The following PIH1D1 variants were observed in gnomAD, a reference collection of about 807,000 sequenced individuals.
The protein encoded by PIH1D1 is PIH1 domain-containing protein 1.
Under a neutral mutation model 38.5 loss-of-function variants are expected in PIH1D1, and 28 were observed. The ratio of observed to expected loss-of-function variants is 0.73; its 90% CI spans 0.54 to 1.00. The LOEUF (loss-of-function observed/expected upper bound fraction) is 1.00, where lower values mean the gene tolerates loss of function less well. Ranked by LOEUF, PIH1D1 falls within the 50% of genes least tolerant of loss-of-function variation. PIH1D1 has a pLI of 0.00. For synonymous variants in PIH1D1, 155 were observed against 153.5 expected (o/e 1.01, Z -0.07); for missense variants, 343 against 369.9 (o/e 0.93, Z 0.60).
In PIH1D1 at chr19:49,449,663, A is replaced by G. The variant is rs1327322172; in HGVS notation, c.158-9T>C. The G allele has an allele frequency of 5.0e-6, 8 of 1,611,368 alleles. No homozygotes were observed. The Middle Eastern group carries it at 4.9e-4, about 100-fold the overall frequency. On this transcript the variant is annotated splice_polypyrimidine_tract_variant and intron_variant, in intron 2 of 8. Coordinates refer to ENST00000262265, the MANE Select transcript of PIH1D1 (RefSeq NM_017916.3). ...GGTCTTTATGCAGAAACCTGGTGGGAGTGGGTTAGTCATGACAATCCTTTT... is the reference window on the plus strand; with the variant it reads ...GGTCTTTATGCAGAAACCTGGTGGGGGTGGGTTAGTCATGACAATCCTTTT...
At chr19:49,449,700 C>T (rs1719663131) in intron 2 of PIH1D1, 46 bp from the exon 3 acceptor site, 2 of 1,515,244 alleles carry the variant, frequency 1.3e-6, no homozygotes, top group African/African-American at 2.7e-5. Flanking sequence ...TGCACAAGTC[C>T]CAGTCCCCAT....
chr19:49,451,025 C>CTTTT (rs10616213), intron 1 of PIH1D1, 177 bp from the exon 2 acceptor site: 57 of 550,612 alleles, frequency 1.0e-4, no homozygotes, highest in East Asian at 3.5e-4. Context: ...ATTCCCATTT[C>CTTTT]TTTTTTTTTT....
chr19:49,450,840 C>T lies in PIH1D1; in HGVS notation c.99G>A (p.Lys33=). The T allele has an allele frequency of 6.2e-7, 1 of 1,613,622 alleles. No individual in the cohort carries two copies. Among genetic ancestry groups the T allele is most frequent in the Non-Finnish European group, 8.5e-7 (1 of 1,179,954 alleles). Residue 33 remains lysine, a synonymous_variant, in exon 2 of 9, where the codon AAG becomes AAA. Coordinates refer to ENST00000262265, the MANE Select transcript of PIH1D1 (RefSeq NM_017916.3). ...TGGTTGTCTGGGCTTGCTGGAGCTCCTTCGAGGCCTGTATAAAGGAAAACT... is the reference window on the plus strand; with the variant it reads ...TGGTTGTCTGGGCTTGCTGGAGCTCTTTCGAGGCCTGTATAAAGGAAAACT... ...RFEELLLQAS[K]ELQQAQTTRP...
chr19:49,448,938 A>C (rs1436847131), intron 3 of PIH1D1: 1 of 270,268 alleles, frequency 3.7e-6, no homozygotes, highest in East Asian at 9.5e-5. Context: ...CACACCTGTA[A>C]TCCCAGCACT....
Position 49,446,616 on chromosome 19 carries a change from C to T in PIH1D1, c.766G>A (p.Asp256Asn). Residue 256 changes from aspartate (D) to asparagine (N), a missense_variant, in exon 8 of 9, where the codon GAC (aspartate) becomes AAC (asparagine). By Grantham distance (23) the Asp-to-Asn change is conservative. Transcript: ENST00000262265. The stretch of plus-strand genomic sequence containing the variant: ...TTGATCTGCAGCGGGATATAAGCGT[C>T]TAGATGATACAGCTGCTGGGGGCCC... The part of the protein sequence containing the change: ...MGGPQQLYHL[D>N]AYIPLQINSH... 6.2e-7 allele frequency: 1 copy of T among 1,612,194 alleles called. No individual in the cohort carries two copies.
At chr19:49,447,723 G>C in intron 5 of PIH1D1, 104 bp downstream of exon 5, 14 of 1,220,364 alleles carry the variant, frequency 1.1e-5, no homozygotes, top group Middle Eastern at 1.9e-4. Flanking sequence ...TAGTAGCACA[G>C]ACTCCAGGGC....
Position 49,446,614 on chromosome 19 carries a change from G to A in PIH1D1, c.768C>T (p.Asp256=), listed in dbSNP as rs138938752. ...MGGPQQLYHL[D]AYIPLQINSH... is the part of the protein sequence containing the mutation. ...AGTTGATCTGCAGCGGGATATAAGCGTCTAGATGATACAGCTGCTGGGGGC... is the reference window on the plus strand; with the variant it reads ...AGTTGATCTGCAGCGGGATATAAGCATCTAGATGATACAGCTGCTGGGGGC... The change falls in exon 8 of 9, where the codon GAC becomes GAT. Residue 256 remains aspartate (D), a synonymous_variant. Coordinates refer to ENST00000262265, the MANE Select transcript of PIH1D1 (RefSeq NM_017916.3). The A allele has an allele frequency of 3.5e-5, 56 of 1,613,266 alleles. No homozygotes were observed. In the African/African-American group the frequency reaches 3.9e-4, roughly 11 times the overall value.
chr19:49,448,222 C>T, intron 3 of PIH1D1, 160 bp from the exon 4 acceptor site: 4 of 676,886 alleles, frequency 5.9e-6, no homozygotes, highest in East Asian at 2.7e-5. Flanking sequence ...TCTGGACTCT[C>T]CGCCCAGCCT....
chr19:49,446,403 C>T lies in PIH1D1; in HGVS notation c.852G>A (p.Pro284=), dbSNP rs1474155327. ...CTGATCAAGAAGGCACCGGCAGAAG[C>T]GGCATGGCCACCATTAATTGCTGAG... The part of the protein sequence containing the change: ...RKRKQLMVAM[P]LLPVPS Residue 284 remains proline (P), a synonymous_variant, in exon 9 of 9, where the codon CCG becomes CCA. Coordinates refer to ENST00000262265, the MANE Select transcript of PIH1D1 (RefSeq NM_017916.3). The T allele has an allele frequency of 5.7e-6, 5 of 883,114 alleles. No individual in the cohort carries two copies. The highest frequency in any genetic ancestry group is 5.9e-6 in the Non-Finnish European group (3 of 511,656). The allele number at this position is 883,114 out of a possible 1,614,324, so 54.7% of individuals were successfully genotyped here. A position where few individuals can be genotyped will look rare whatever the true frequency, so the allele number is the denominator to read the frequency against.
chr19:49,449,191 G>A, intron 3 of PIH1D1: 2 of 587,502 alleles, frequency 3.4e-6, no homozygotes, highest in South Asian at 1.6e-5. Flanking sequence ...AGCAGGCTCA[G>A]GACTAAAGCC....
Position 49,446,603 on chromosome 19 carries a change from G to A in PIH1D1, c.779C>T (p.Pro260Leu), listed in dbSNP as rs753878549. The A allele has an allele frequency of 3.1e-6, 5 of 1,613,836 alleles. No individual in the cohort carries two copies. Among genetic ancestry groups the A allele is most frequent in the Admixed American group, 1.7e-5 (1 of 59,978 alleles). Residue 260 changes from proline (P) to leucine (L), a missense_variant, in exon 8 of 9, where the codon CCG (proline) becomes CTG (leucine). Transcript: ENST00000262265. ...QQLYHLDAYI[P>L]LQINSHESKA... is the part of the protein sequence containing the mutation. The stretch of plus-strand genomic sequence containing the variant: ...GCTCTCATGAGAGTTGATCTGCAGC[G>A]GGATATAAGCGTCTAGATGATACAG...
chr19:49,449,608 G>A lies in PIH1D1; in HGVS notation c.204C>T (p.Asn68=). ...GAGGGATAGAGGGGGAGTGGCAGAT[G>A]TTGATGAAAACCTTCCCTTCCGAGG... The part of the protein sequence containing the change: ...TNSSEGKVFI[N]ICHSPSIPPP... The change falls in exon 3 of 9, where the codon AAC becomes AAT. Residue 68 remains asparagine (N), a synonymous_variant. Transcript: ENST00000262265. 1 of 1,614,192 alleles carries A rather than the reference G, an allele frequency of 6.2e-7. No homozygotes were observed. The highest frequency in any genetic ancestry group is 8.5e-7 in the Non-Finnish European group (1 of 1,180,030).
At chr19:49,451,407 T>A in intron 1 of PIH1D1, 78 bp downstream of exon 1, 1 of 1,594,394 alleles carries the variant, frequency 6.3e-7, no homozygotes. Flanking sequence ...TAGTGCATTC[T>A]GGGAACTGCA....
chr19:49,451,186 C>T (rs1477198901), intron 1 of PIH1D1, among the ~76,000 whole-genome samples: 5 of 151,882 alleles, frequency 3.3e-5, no homozygotes, highest in Admixed American at 2.0e-4. Context: ...CCCGCCACCA[C>T]GCCCGGCTAA....
At chr19:49,449,269 A>T (rs1175700176) in intron 3 of PIH1D1, 2 of 688,482 alleles carry the variant, frequency 2.9e-6, no homozygotes, top group Admixed American at 4.1e-5. Flanking sequence ...GGCATGGAAA[A>T]GTGCCAGCCT....
intron 2 of PIH1D1, 102 bp downstream of exon 2, chr19:49,450,680 C>T: frequency 2.4e-6 from 1 of 420,322 alleles, no homozygotes; most frequent in South Asian, 3.5e-5. Context: ...TCTGCTCACC[C>T]CACCCCCACC....
chr19:49,447,641 G>T, intron 5 of PIH1D1, 174 bp from the exon 6 acceptor site: 1 of 923,990 alleles, frequency 1.1e-6, no homozygotes, highest in Non-Finnish European at 1.6e-6. Flanking sequence ...CCCATGATAT[G>T]CCCCAATAAA....
intron 2 of PIH1D1, among the ~76,000 whole-genome samples, chr19:49,450,084 CTTT>C (rs2079049306): frequency 6.6e-6 from 1 of 151,448 alleles, no homozygotes; most frequent in South Asian, 2.1e-4. Context: ...CCCCTCTCTT[CTTT>C]GTTTTCTCCT....
chr19:49,447,341 G>C lies in PIH1D1; in HGVS notation c.608C>G (p.Ser203Ter). 1 of 1,613,904 alleles carries C rather than the reference G, an allele frequency of 6.2e-7. No homozygotes were observed. Among genetic ancestry groups the C allele is most frequent in the Non-Finnish European group, 8.5e-7 (1 of 1,179,964 alleles). Residue 203 changes from serine (S) to a stop codon, truncating the protein, a stop_gained, in exon 6 of 9, where the codon TCA (serine) becomes TGA (stop). Coordinates refer to ENST00000262265, the MANE Select transcript of PIH1D1 (RefSeq NM_017916.3). LOFTEE classifies it high-confidence loss of function. ...CGGGGATCTACCGAAGGCCCACCCTGACTCAGCTCTCCCGGGGGCGGGCGT... is the reference window on the plus strand; with the variant it reads ...CGGGGATCTACCGAAGGCCCACCCTCACTCAGCTCTCCCGGGGGCGGGCGT... The part of the protein sequence containing the change: ...LYTPAPGRAE[S>*]GPEKPHLNLW...
Sources: gnomAD v4.1 joint callset for allele counts (sites outside exome capture counted in the v4.1 genomes callset) on GRCh38, gnomAD v4.1.1 for gene constraint, MANE v1.5 for transcripts, NCBI Gene and HGNC (gene_info 2026-07-23, HGNC 2026-07-21) for gene names.